Variants in ATP6V1D observed in about 807,000 individuals in gnomAD.
ATP6V1D encodes the protein ATPase H+ transporting V1 subunit D.
Under a neutral mutation model 39.4 loss-of-function variants are expected in ATP6V1D, and 20 were observed. The observed-to-expected ratio is 0.51, with a 90% confidence interval of 0.36 to 0.74. The LOEUF is 0.74. Among genes scored for constraint, ATP6V1D ranks in the 30% least tolerant of loss-of-function variants. The probability of loss-of-function intolerance (pLI) is 0.00; values close to 1 mark genes in which losing one functional copy is unlikely to be tolerated. For synonymous variants in ATP6V1D, 100 were observed against 100.5 expected (o/e 0.99, Z 0.03); for missense variants, 228 against 291.6 (o/e 0.78, Z 1.59).
In ATP6V1D at chr14:67,343,942, T is replaced by C. The variant is rs536174025; in HGVS notation, c.457-504A>G. The stretch of plus-strand genomic sequence containing the variant: ...GCTATTGATAACCTACATGTCACAT[T>C]TGGTAGGTTTCCAAATTAACCTGCC... On this transcript the variant is annotated intron_variant, in intron 6 of 8. Transcript: ENST00000216442. Among the ~76,000 whole-genome samples, 13 of 152,334 alleles carry C rather than the reference T, an allele frequency of 8.5e-5. No individual in the cohort carries two copies. The South Asian group carries it at 2.7e-3, about 32-fold the overall frequency.
In ATP6V1D at chr14:67,348,952, A is replaced by G. The variant is rs1375354450; in HGVS notation, c.307+85T>C. Reference sequence around the variant, plus strand: ...CTAAGTAGAAGGAAGAAACTAGGACATTAAGATCTTGCTGTATAAACAGGT... The same window carrying G: ...CTAAGTAGAAGGAAGAAACTAGGACGTTAAGATCTTGCTGTATAAACAGGT... On this transcript the variant is annotated intron_variant, in intron 4 of 8. Coordinates refer to ENST00000216442, the MANE Select transcript of ATP6V1D (RefSeq NM_015994.4). The G allele has an allele frequency of 4.7e-6, 6 of 1,282,006 alleles. No homozygotes were observed. The East Asian group carries it at 7.1e-5, about 15-fold the overall frequency. The allele number at this position is 1,282,006 out of a possible 1,614,324, so 79.4% of individuals were successfully genotyped here.
chr14:67,350,483 TC>T, intron 3 of ATP6V1D, 127 bp downstream of exon 3: 1 of 703,994 alleles, frequency 1.4e-6, no homozygotes, highest in African/African-American at 1.8e-5. Flanking sequence ...TTAAAAGAAT[TC>T]TTTCTTATTA....
chr14:67,349,218 T>C (rs1351802705), intron 3 of ATP6V1D, 114 bp from the exon 4 acceptor site: 3 of 1,004,398 alleles, frequency 3.0e-6, no homozygotes, highest in Non-Finnish European at 4.4e-6. Context: ...CACAATTAAG[T>C]ATGTTTTGAT....
At chr14:67,359,028 T>G (rs560946436) in intron 1 of ATP6V1D, among the ~76,000 whole-genome samples, 1 of 152,296 alleles carries the variant, frequency 6.6e-6, no homozygotes, top group African/African-American at 2.4e-5. Flanking sequence ...TGACCGGTAT[T>G]AACACAGGTC....
chr14:67,346,315 GTTTA>G (rs939553789), intron 5 of ATP6V1D, among the ~76,000 whole-genome samples: 1 of 152,098 alleles, frequency 6.6e-6, no homozygotes, highest in Non-Finnish European at 1.5e-5. Flanking sequence ...AATATTATTT[GTTTA>G]TTTATTTATT....
chr14:67,353,106 C>A, intron 1 of ATP6V1D, 66 bp from the exon 2 acceptor site: 1 of 1,230,824 alleles, frequency 8.1e-7, no homozygotes, highest in Non-Finnish European at 1.2e-6. Flanking sequence ...AAAACCCTCC[C>A]CACCAGTGTT....
chr14:67,352,361 C>T (rs888616276), intron 2 of ATP6V1D, among the ~76,000 whole-genome samples: 8 of 150,492 alleles, frequency 5.3e-5, no homozygotes, highest in Non-Finnish European at 7.4e-5. Context: ...GTCACAGCTA[C>T]TCGAGAGGCT....
chr14:67,343,316 C>A, intron 7 of ATP6V1D, 56 bp downstream of exon 7: 1 of 1,359,182 alleles, frequency 7.4e-7, no homozygotes, highest in Non-Finnish European at 1.0e-6. Context: ...AGCAGTTTCA[C>A]GACAAGTGGA....
In ATP6V1D at chr14:67,340,726, C is replaced by T. The variant is rs535331028; in HGVS notation, c.524-208G>A. ...CCACGGTCTCCCTCTGATGCCGAGC[C>T]GAAGCTGGACTGTACTGCTGCCATC... On this transcript the variant is annotated intron_variant, in intron 7 of 8. Transcript: ENST00000216442. Among the ~76,000 whole-genome samples the T allele has an allele frequency of 3.5e-4, 53 of 152,298 alleles. 1 individual carries two copies. The highest frequency in any genetic ancestry group is 1.7e-3 in the South Asian group (8 of 4,826).
intron 7 of ATP6V1D, among the ~76,000 whole-genome samples, chr14:67,341,009 G>A (rs2085576983): frequency 6.6e-6 from 1 of 152,200 alleles, no homozygotes; most frequent in South Asian, 2.1e-4. Flanking sequence ...GCAGTGGCGT[G>A]ATCTCGGCTC....
intron 1 of ATP6V1D, among the ~76,000 whole-genome samples, chr14:67,358,666 C>T (rs1373376240): frequency 1.3e-5 from 2 of 152,148 alleles, no homozygotes; most frequent in African/African-American, 2.4e-5. Context: ...TACCACTGCA[C>T]CCCAGCCTGG....
chr14:67,344,817 G>C (rs538935337), intron 6 of ATP6V1D, among the ~76,000 whole-genome samples: 46 of 151,504 alleles, frequency 3.0e-4, no homozygotes, highest in Non-Finnish European at 5.9e-4. Flanking sequence ...GGAGATCCAG[G>C]CTGCAGTTAG....
At chr14:67,349,273 G>C (rs1341572803) in intron 3 of ATP6V1D, among the ~76,000 whole-genome samples, 169 bp from the exon 4 acceptor site, 1 of 152,214 alleles carries the variant, frequency 6.6e-6, no homozygotes, top group Non-Finnish European at 1.5e-5. Context: ...TACTGCTAGA[G>C]GAGGGCCTCT....
chr14:67,345,900 A>T (rs1246613217), intron 5 of ATP6V1D, 29 bp from the exon 6 acceptor site: 1 of 1,411,484 alleles, frequency 7.1e-7, no homozygotes, highest in East Asian at 2.3e-5. Flanking sequence ...CAACATTTTT[A>T]ATTAGAGTAA....
At chr14:67,348,845 T>G in intron 4 of ATP6V1D, 192 bp downstream of exon 4, 1 of 586,720 alleles carries the variant, frequency 1.7e-6, no homozygotes, top group South Asian at 2.1e-5. Context: ...AAGTGTTCAC[T>G]TCTATACAAA....
At chr14:67,357,884 A>G (rs2085696198) in intron 1 of ATP6V1D, among the ~76,000 whole-genome samples, 2 of 152,340 alleles carry the variant, frequency 1.3e-5, no homozygotes, top group South Asian at 2.1e-4. Context: ...CAAAGCCCCT[A>G]TCCCTCCTGA....
chr14:67,340,550 A>T (rs2085572591), intron 7 of ATP6V1D, 32 bp from the exon 8 acceptor site: 1 of 1,558,082 alleles, frequency 6.4e-7, no homozygotes, highest in African/African-American at 1.4e-5. Flanking sequence ...TATGTGTGAG[A>T]ACTTCAAACC....
intron 6 of ATP6V1D, 55 bp from the exon 7 acceptor site, chr14:67,343,493 G>A: frequency 8.1e-7 from 1 of 1,236,138 alleles, no homozygotes; most frequent in East Asian, 2.3e-5. Context: ...ATCATTCCCT[G>A]ATCACTTGAC....
intron 4 of ATP6V1D, among the ~76,000 whole-genome samples, chr14:67,348,040 GTA>G (rs1270341712): frequency 6.6e-6 from 1 of 150,912 alleles, no homozygotes; most frequent in Non-Finnish European, 1.5e-5. Flanking sequence ...AGCCTCCTGA[GTA>G]GCTGGGACAA....
Sources: gnomAD v4.1 joint callset for allele counts (sites outside exome capture counted in the v4.1 genomes callset) on GRCh38, gnomAD v4.1.1 for gene constraint, MANE v1.5 for transcripts, NCBI Gene and HGNC (gene_info 2026-07-23, HGNC 2026-07-21) for gene names.